The following FRMPD4 variants were observed in gnomAD, a reference collection of about 807,000 sequenced individuals.
FRMPD4 encodes FERM and PDZ domain-containing protein 4.
A neutral mutation model predicts 94.1 loss-of-function variants in FRMPD4; 22 were observed. That is an observed-to-expected ratio of 0.23 (90% CI 0.17 to 0.33). The LOEUF is 0.33. FRMPD4 is among the 10% of genes least tolerant of loss of function. The pLI, the probability that FRMPD4 is intolerant of heterozygous loss-of-function variation, is 1.00. For synonymous variants in FRMPD4, 631 were observed against 548.6 expected (o/e 1.15, Z -2.10); for missense variants, 1,111 against 1,339.9 (o/e 0.83, Z 2.67).
intron 2 of FRMPD4, among the ~76,000 whole-genome samples, chrX:12,550,518 G>T (rs962447347): frequency 3.6e-5 from 4 of 111,316 alleles, no homozygotes; most frequent in Non-Finnish European, 7.6e-5. Flanking sequence ...GAGGTATACT[G>T]CTACTGAATA....
intron 1 of FRMPD4, among the ~76,000 whole-genome samples, chrX:12,384,238 G>A (rs1012705892): frequency 2.0e-4 from 22 of 112,025 alleles, no homozygotes; most frequent in East Asian, 8.3e-4. Context: ...ATTTAAGGCC[G>A]GGTATGGTGG....
chrX:12,431,795 TAAG>T (rs1465780991), intron 1 of FRMPD4, among the ~76,000 whole-genome samples: 2 of 112,606 alleles, frequency 1.8e-5, no homozygotes, highest in East Asian at 5.6e-4. Flanking sequence ...TGTTTTCTGT[TAAG>T]AAGCAATTTT....
chrX:11,845,117 G>A (rs1416673377), intron 1 of FRMPD4, among the ~76,000 whole-genome samples: 1 of 112,116 alleles, frequency 8.9e-6, no homozygotes, highest in African/African-American at 3.2e-5. Context: ...AATTGTTTCA[G>A]TATGGTTTGA....
intron 2 of FRMPD4, among the ~76,000 whole-genome samples, chrX:11,876,390 G>A (rs1223264103): frequency 2.8e-5 from 3 of 108,437 alleles, no homozygotes; most frequent in African/African-American, 6.8e-5. Flanking sequence ...GGCTCTTTAG[G>A]AAACATCCCA....
intron 1 of FRMPD4, among the ~76,000 whole-genome samples, chrX:12,304,919 A>T (rs1476118942): frequency 1.8e-5 from 2 of 111,950 alleles, no homozygotes; most frequent in Non-Finnish European, 3.8e-5. Context: ...AAATATGAAC[A>T]TTGCAGATCA....
chrX:12,250,601 A>G (rs755051929), intron 1 of FRMPD4, among the ~76,000 whole-genome samples: 1 of 112,406 alleles, frequency 8.9e-6, no homozygotes, highest in South Asian at 3.7e-4. Context: ...ATTTTATAGA[A>G]TGATGAATAA....
chrX:12,358,934 C>T (rs1248298780), intron 1 of FRMPD4, among the ~76,000 whole-genome samples: 2 of 112,120 alleles, frequency 1.8e-5, no homozygotes, highest in African/African-American at 6.5e-5. Context: ...ATAGACATTA[C>T]TTCTATAACC....
chrX:11,905,169 G>C (rs1348548507), intron 3 of FRMPD4, among the ~76,000 whole-genome samples: 1 of 112,153 alleles, frequency 8.9e-6, no homozygotes, highest in African/African-American at 3.2e-5. Context: ...AGACTGCTGG[G>C]GGAACATCCA....
chrX:12,514,465 A>G (rs1271517525), intron 2 of FRMPD4, among the ~76,000 whole-genome samples: 1 of 111,992 alleles, frequency 8.9e-6, no homozygotes, highest in Non-Finnish European at 1.9e-5. Context: ...TTCCACGTCT[A>G]TTATCAAATG....
chrX:11,825,190 T>TTGTGTG (rs747320680), intron 1 of FRMPD4, among the ~76,000 whole-genome samples: 3,431 of 80,107 alleles, frequency 0.043, 91 homozygotes, highest in African/African-American at 0.084. Context: ...TGTGTCTTCT[T>TTGTGTG]TGTGTGTGTG....
intron 3 of FRMPD4, among the ~76,000 whole-genome samples, chrX:12,069,124 C>T (rs955283635): frequency 1.8e-5 from 2 of 111,588 alleles, no homozygotes; most frequent in African/African-American, 3.3e-5. Flanking sequence ...AAATGAGGTA[C>T]TGAGCAATAC....
chrX:11,934,170 C>G (rs752422729), intron 3 of FRMPD4, among the ~76,000 whole-genome samples: 2 of 112,252 alleles, frequency 1.8e-5, no homozygotes, highest in Non-Finnish European at 3.8e-5. Context: ...CCATTGCATA[C>G]TTACTGGGTC....
At chrX:12,650,408 C>T (rs1037450361) in intron 4 of FRMPD4, among the ~76,000 whole-genome samples, 2 of 109,743 alleles carry the variant, frequency 1.8e-5, no homozygotes, top group Non-Finnish European at 3.8e-5. Flanking sequence ...CTTCATCGGT[C>T]TATCCACAAA....
intron 1 of FRMPD4, among the ~76,000 whole-genome samples, chrX:12,305,725 G>GTTTTTTTTTGTTTGTT (rs563804861): frequency 1.5e-4 from 9 of 59,721 alleles, no homozygotes; most frequent in African/African-American, 6.8e-4. Context: ...AGCTGGCTAA[G>GTTTTTTTTTGTTTGTT]TTTTTTTTTT....
chrX:12,000,404 C>T (rs371524223), intron 3 of FRMPD4, among the ~76,000 whole-genome samples: 36 of 112,157 alleles, frequency 3.2e-4, no homozygotes, highest in African/African-American at 1.1e-3. Flanking sequence ...GCAGGAGAAA[C>T]AAAGGTGCAG....
intron 1 of FRMPD4, among the ~76,000 whole-genome samples, chrX:12,424,042 C>T (rs1164762881): frequency 1.8e-5 from 2 of 112,394 alleles, no homozygotes; most frequent in Admixed American, 1.9e-4. Context: ...GGGGCCATCT[C>T]GGGTTTTTAA....
chrX:11,898,819 T>C (rs1014449297), intron 3 of FRMPD4, among the ~76,000 whole-genome samples: 10 of 111,588 alleles, frequency 9.0e-5, no homozygotes, highest in Non-Finnish European at 1.7e-4. Flanking sequence ...ATTTCCTAAG[T>C]GATTGGCTGT....
At chrX:11,899,207 G>T (rs954843278) in intron 3 of FRMPD4, among the ~76,000 whole-genome samples, 3 of 111,494 alleles carry the variant, frequency 2.7e-5, no homozygotes, top group Non-Finnish European at 5.7e-5. Context: ...AATGCACCTG[G>T]GTGATTGAGA....
chrX:12,476,427 C>G (rs1296928817), intron 1 of FRMPD4, among the ~76,000 whole-genome samples: 12 of 111,525 alleles, frequency 1.1e-4, no homozygotes, highest in Non-Finnish European at 2.3e-4. Context: ...GTCTAAAACA[C>G]CAAAAGCAAT....
Sources: allele counts gnomAD v4.1 joint callset (sites outside exome capture counted in the v4.1 genomes callset), GRCh38; gene constraint gnomAD v4.1.1; transcripts MANE v1.5; gene names NCBI Gene and HGNC (gene_info 2026-07-23, HGNC 2026-07-21).